The following SYTL2 variants were observed in gnomAD, a reference collection of about 807,000 sequenced individuals.
SYTL2 encodes synaptotagmin like 2, also known as synaptotagmin-like protein 2.
In SYTL2, 165 loss-of-function variants were observed where a neutral mutation model predicts 198.7. The observed-to-expected ratio is 0.83, with a 90% CI of 0.73 to 0.94. The LOEUF is 0.94. SYTL2 is among the 40% of genes least tolerant of loss of function. The pLI, the probability that SYTL2 is intolerant of heterozygous loss-of-function variation, is 0.00. For missense variants in SYTL2, 2,835 were observed against 2,582.8 expected, an observed-to-expected ratio of 1.10 and a Z score of -2.12; for synonymous variants, 966 against 917.7, an observed-to-expected ratio of 1.05 and a Z score of -0.95.
At chr11:85,776,931 G>C (rs532018827) in intron 1 of SYTL2, among the ~76,000 whole-genome samples, 1 of 152,284 alleles carries the variant, frequency 6.6e-6, no homozygotes, top group Non-Finnish European at 1.5e-5. Context: ...TGTGGTTAGA[G>C]GGGTAGTGAA....
At chr11:85,745,899 C>T in intron 3 of SYTL2, 127 bp from the exon 4 acceptor site, 1 of 879,708 alleles carries the variant, frequency 1.1e-6, no homozygotes, top group Non-Finnish European at 1.7e-6. Flanking sequence ...AAGGCAATCA[C>T]TGGGTCTAAG....
At chr11:85,763,537 G>T (rs2092153389) in intron 1 of SYTL2, among the ~76,000 whole-genome samples, 1 of 152,122 alleles carries the variant, frequency 6.6e-6, no homozygotes, top group South Asian at 2.1e-4. Context: ...GCTGTGAGGA[G>T]GGGCCCAGAT....
chr11:85,763,571 TC>T (rs1223958432), intron 1 of SYTL2, among the ~76,000 whole-genome samples: 1 of 152,144 alleles, frequency 6.6e-6, no homozygotes, highest in Non-Finnish European at 1.5e-5. Context: ...TCTTCTGCTT[TC>T]CCAGACAGTA....
chr11:85,773,051 A>G (rs1404490546), intron 1 of SYTL2, among the ~76,000 whole-genome samples: 1 of 152,236 alleles, frequency 6.6e-6, no homozygotes, highest in East Asian at 1.9e-4. Flanking sequence ...CCTTCTCCCT[A>G]CTTCCCACTG....
intron 5 of SYTL2, among the ~76,000 whole-genome samples, chr11:85,737,072 T>C (rs1218572346): frequency 6.6e-6 from 1 of 152,240 alleles, no homozygotes; most frequent in Non-Finnish European, 1.5e-5. Context: ...TTTAGGTATC[T>C]TGAAGTGCTT....
the SYTL2 span, among the ~76,000 whole-genome samples, chr11:85,846,817 T>C: frequency 7.2e-6 from 1 of 139,540 alleles, no homozygotes; most frequent in African/African-American, 2.7e-5. Flanking sequence ...CACTGCAACC[T>C]CCGCCTCTCG....
chr11:85,743,776 T>C (rs1432413591), intron 4 of SYTL2, among the ~76,000 whole-genome samples: 1 of 152,070 alleles, frequency 6.6e-6, no homozygotes, highest in Non-Finnish European at 1.5e-5. Context: ...CCCACTGAGA[T>C]AGAATAAGTT....
intron 1 of SYTL2, among the ~76,000 whole-genome samples, chr11:85,780,036 C>T (rs767470015): frequency 6.6e-6 from 1 of 152,192 alleles, no homozygotes; most frequent in Admixed American, 6.6e-5. Flanking sequence ...CTCACATAGA[C>T]TCCTTCTGAC....
chr11:85,747,511 T>A (rs1432180955), intron 3 of SYTL2, among the ~76,000 whole-genome samples: 1 of 152,064 alleles, frequency 6.6e-6, no homozygotes, highest in African/African-American at 2.4e-5. Context: ...TAGGCAGAAG[T>A]GGGTTTTTGG....
the SYTL2 span, among the ~76,000 whole-genome samples, chr11:85,852,364 C>G: frequency 6.6e-6 from 1 of 151,252 alleles, no homozygotes; most frequent in Admixed American, 6.6e-5. Context: ...CCCCCTCCCC[C>G]TCTCCCTCTC....
In SYTL2 at chr11:85,724,626, C is replaced by T. The variant is rs1174580318; in HGVS notation, c.4732G>A (p.Ala1578Thr). The T allele has an allele frequency of 3.1e-6, 5 of 1,613,228 alleles. No homozygotes were observed. The South Asian group carries it at 4.4e-5, about 14-fold the overall frequency. Residue 1578 changes from alanine to threonine, a missense_variant, in exon 8 of 20, where the codon GCT (alanine) becomes ACT (threonine). Around this residue, in one of 3 missense-constraint regions of SYTL2, gnomAD observed 2,645 missense variants for 2,381.7 expected, o/e 1.11. Coordinates refer to ENST00000359152, the MANE Select transcript of SYTL2 (RefSeq NM_206927.4). ...FEKLLKEITE[A>T]PPYQPQVSVR... is the part of the protein sequence containing the mutation. ...GACACCTGGGGCTGATAAGGAGGAG[C>T]TTCAGTTATTTCTTTAAGAAGTTTC... is the stretch of plus-strand genomic sequence containing the variant.
At chr11:85,836,577 A>G in the SYTL2 span, among the ~76,000 whole-genome samples, 2 of 152,206 alleles carry the variant, frequency 1.3e-5, no homozygotes, top group South Asian at 4.2e-4. Flanking sequence ...GGGCCCTCTG[A>G]CAAACAGGCC....
chr11:85,759,021 G>A lies in SYTL2; in HGVS notation c.-389-907C>T, dbSNP rs574054359. 9.9e-5 allele frequency among the ~76,000 whole-genome samples: 15 copies of A among 152,196 alleles called. 1 individual carries two copies. The South Asian group carries it at 3.1e-3, about 32-fold the overall frequency. ...GCACTTTGGGAGGCCAAGGTGGGTG[G>A]ATCACCTGAGGTCAGGAGTTCGAGA... On this transcript the variant is annotated intron_variant, in intron 1 of 19. Coordinates refer to ENST00000359152, the MANE Select transcript of SYTL2 (RefSeq NM_206927.4).
the SYTL2 span, among the ~76,000 whole-genome samples, chr11:85,850,210 A>G: frequency 6.7e-6 from 1 of 149,480 alleles, no homozygotes; most frequent in Non-Finnish European, 1.5e-5. Flanking sequence ...GGTTTTCTAG[A>G]TATACAATCA....
chr11:85,793,837 A>G (rs962101206), intron 1 of SYTL2, among the ~76,000 whole-genome samples: 2 of 152,380 alleles, frequency 1.3e-5, no homozygotes, highest in African/African-American at 4.8e-5. Context: ...TTGCATTTCC[A>G]CATTGTTTTA....
intron 1 of SYTL2, among the ~76,000 whole-genome samples, chr11:85,784,235 T>C (rs139328164): frequency 3.3e-5 from 5 of 152,308 alleles, no homozygotes; most frequent in East Asian, 1.9e-4. Context: ...GCTGAGACTA[T>C]GCTTTGCAAT....
At chr11:85,723,350 G>C (rs1428451390) in intron 8 of SYTL2, among the ~76,000 whole-genome samples, 2 of 152,226 alleles carry the variant, frequency 1.3e-5, no homozygotes, top group Non-Finnish European at 2.9e-5. Flanking sequence ...TCATACTCTA[G>C]AAAGGGAAGA....
At chr11:85,765,952 A>G (rs2092227801) in intron 1 of SYTL2, among the ~76,000 whole-genome samples, 1 of 152,228 alleles carries the variant, frequency 6.6e-6, no homozygotes, top group African/African-American at 2.4e-5. Context: ...AGCATCACAC[A>G]TGACCAACCA....
At chr11:85,718,685 C>T in intron 10 of SYTL2, 105 bp downstream of exon 10, 1 of 948,584 alleles carries the variant, frequency 1.1e-6, no homozygotes, top group Non-Finnish European at 1.6e-6. Context: ...CACATAGTGG[C>T]AAATGACGTT....
Sources: allele counts gnomAD v4.1 joint callset (sites outside exome capture counted in the v4.1 genomes callset), GRCh38; gene constraint gnomAD v4.1.1; regional missense constraint gnomAD v4.1.1; transcripts MANE v1.5; gene names NCBI Gene and HGNC (gene_info 2026-07-23, HGNC 2026-07-21).